SCHIP1: variants seen among roughly 807,000 people sequenced by gnomAD.
SCHIP1 encodes the protein schwannomin interacting protein 1.
SCHIP1 carries 8 observed loss-of-function variants against 29.7 expected under a neutral mutation model. The observed-to-expected ratio is 0.27, with a 90% CI of 0.16 to 0.49. The LOEUF is 0.49. SCHIP1 is among the 20% of genes least tolerant of loss of function. SCHIP1 has a pLI of 0.99. For synonymous variants in SCHIP1, 76 were observed against 94.9 expected, an observed-to-expected ratio of 0.80 and a Z score of 1.16; for missense variants, 193 against 294.6, an observed-to-expected ratio of 0.66 and a Z score of 2.52.
chr3:159,897,059 A>C, exon 7 of SCHIP1: 1 of 244,400 alleles, frequency 4.1e-6, no homozygotes, highest in Non-Finnish European at 7.8e-6. Context: ...CTTTATTTTT[A>C]TTTGTTTAGA....
chr3:159,879,031 C>A (rs1716175006), intron 2 of SCHIP1, among the ~76,000 whole-genome samples: 1 of 150,846 alleles, frequency 6.6e-6, no homozygotes. Flanking sequence ...AGCCTTCTTT[C>A]TTTTACTTAA....
the SCHIP1 span, among the ~76,000 whole-genome samples, chr3:159,763,477 C>T: frequency 6.6e-6 from 1 of 152,200 alleles, no homozygotes; most frequent in Non-Finnish European, 1.5e-5. Context: ...TCCCAGCGCG[C>T]CGCCCTTGCT....
chr3:159,716,063 T>C, the SCHIP1 span, among the ~76,000 whole-genome samples: 1 of 152,152 alleles, frequency 6.6e-6, no homozygotes, highest in African/African-American at 2.4e-5. Context: ...CAGCAGAAAC[T>C]CTACAAGCCA....
the SCHIP1 span, chr3:159,765,383 C>T: frequency 6.4e-6 from 3 of 465,850 alleles, no homozygotes; most frequent in East Asian, 3.7e-5. Flanking sequence ...AGCGGAAAGT[C>T]GGGTTAGTGG....
At chr3:159,534,326 G>C in the SCHIP1 span, among the ~76,000 whole-genome samples, 1 of 152,094 alleles carries the variant, frequency 6.6e-6, no homozygotes, top group Non-Finnish European at 1.5e-5. Flanking sequence ...AAGTAGACTG[G>C]GTGAAGGCTG....
chr3:159,721,503 A>G, the SCHIP1 span: 4 of 154,488 alleles, frequency 2.6e-5, no homozygotes, highest in Non-Finnish European at 5.8e-5. Flanking sequence ...TGGTATTTAC[A>G]TTCCATTCTA....
At chr3:159,398,185 C>T in the SCHIP1 span, among the ~76,000 whole-genome samples, 2 of 152,182 alleles carry the variant, frequency 1.3e-5, no homozygotes, top group Non-Finnish European at 2.9e-5. Flanking sequence ...TGCTTCAGCT[C>T]ACACACGGTG....
At chr3:159,751,768 G>C in the SCHIP1 span, among the ~76,000 whole-genome samples, 755 of 152,124 alleles carry the variant, frequency 5.0e-3, 7 homozygotes, top group Non-Finnish European at 8.7e-3. Context: ...GGATGGTCTC[G>C]ATCTCCTAAC....
At chr3:159,295,284 C>T in the SCHIP1 span, among the ~76,000 whole-genome samples, 4 of 127,556 alleles carry the variant, frequency 3.1e-5, no homozygotes, top group African/African-American at 1.2e-4. Flanking sequence ...AAACAACTAG[C>T]CAGGCATGGT....
At chr3:159,888,003 T>C in intron 4 of SCHIP1, 98 bp downstream of exon 5, 1 of 1,486,884 alleles carries the variant, frequency 6.7e-7, no homozygotes, top group Non-Finnish European at 9.0e-7. Flanking sequence ...CTTGTGTTTC[T>C]CTAAGGCGGT....
chr3:159,715,938 CA>C, the SCHIP1 span, among the ~76,000 whole-genome samples: 41 of 152,236 alleles, frequency 2.7e-4, no homozygotes, highest in Admixed American at 6.5e-4. Flanking sequence ...AACTCCAAGA[CA>C]CATAATTGTC....
At chr3:159,658,636 T>C in the SCHIP1 span, among the ~76,000 whole-genome samples, 1 of 152,172 alleles carries the variant, frequency 6.6e-6, no homozygotes, top group African/African-American at 2.4e-5. Flanking sequence ...GGCAATCTAA[T>C]CAAGTCTCAC....
chr3:159,866,538 A>G (rs980766605), intron 2 of SCHIP1, among the ~76,000 whole-genome samples: 1 of 152,034 alleles, frequency 6.6e-6, no homozygotes, highest in African/African-American at 2.4e-5. Flanking sequence ...TCTAGCCACA[A>G]TACTGATTCT....
chr3:159,777,634 C>T, the SCHIP1 span, among the ~76,000 whole-genome samples: 1 of 152,090 alleles, frequency 6.6e-6, no homozygotes, highest in African/African-American at 2.4e-5. Context: ...AAGGGAAGAA[C>T]TCCTTAAGAA....
chr3:159,673,734 T>G, the SCHIP1 span, among the ~76,000 whole-genome samples: 1 of 152,214 alleles, frequency 6.6e-6, no homozygotes, highest in Non-Finnish European at 1.5e-5. Flanking sequence ...GAAAGTTACT[T>G]GCTATCTAAT....
the SCHIP1 span, among the ~76,000 whole-genome samples, chr3:159,656,309 T>C: frequency 6.6e-6 from 1 of 152,116 alleles, no homozygotes; most frequent in South Asian, 2.1e-4. Flanking sequence ...CAATAAAGGT[T>C]GACATTTCCA....
At chr3:159,284,913 C>T in the SCHIP1 span, among the ~76,000 whole-genome samples, 1 of 152,082 alleles carries the variant, frequency 6.6e-6, no homozygotes, top group East Asian at 1.9e-4. Flanking sequence ...TGAATTTGTT[C>T]TAATTCAGTT....
the SCHIP1 span, among the ~76,000 whole-genome samples, chr3:159,538,890 A>G: frequency 4.3e-3 from 657 of 152,244 alleles, 6 homozygotes; most frequent in African/African-American, 0.015. Flanking sequence ...TTTTAAAATA[A>G]TCCTTTCATA....
chr3:159,696,435 GAGCAGTA>G, the SCHIP1 span, among the ~76,000 whole-genome samples: 3 of 152,170 alleles, frequency 2.0e-5, no homozygotes, highest in Non-Finnish European at 4.4e-5. Context: ...ACTGTGCTGA[GAGCAGTA>G]CATGTATTCC....
Sources: gnomAD v4.1 joint callset for allele counts (sites outside exome capture counted in the v4.1 genomes callset) on GRCh38, gnomAD v4.1.1 for gene constraint, MANE v1.5 for transcripts, NCBI Gene and HGNC (gene_info 2026-07-23, HGNC 2026-07-21) for gene names.